The following TRIM41 variants were observed in gnomAD, a reference collection of about 807,000 sequenced individuals.
The protein encoded by TRIM41 is E3 ubiquitin-protein ligase TRIM41.
In TRIM41, 21 loss-of-function variants were observed where a neutral mutation model predicts 60.6. The observed-to-expected ratio is 0.35, with a 90% CI of 0.25 to 0.50. The LOEUF (loss-of-function observed/expected upper bound fraction) is 0.50, where lower values mean the gene tolerates loss of function less well. Ranked by LOEUF, TRIM41 falls within the 20% of genes least tolerant of loss-of-function variation. TRIM41 has a pLI of 0.98. For synonymous variants in TRIM41, 407 were observed against 344.9 expected, an observed-to-expected ratio of 1.18 and a Z score of -2.00; for missense variants, 846 against 868.3, an observed-to-expected ratio of 0.97 and a Z score of 0.32.
At position 181,233,234 on chromosome 5, in the gene TRIM41, T is replaced by G. The variant is rs1758886535; in HGVS notation, c.1141-179T>G. On this transcript the variant is annotated intron_variant, in intron 3 of 5. Transcript: ENST00000315073. This position sits in a 1 kb window ranked among gnomAD's most constrained non-coding sequence, Gnocchi z 4.1. ...ACAGCAGGATGAGGCGAGTTAGGTA[T>G]GGCGAGGCATGGGGTGGTTGAAATG... 1 of 767,446 alleles carries G rather than the reference T, an allele frequency of 1.3e-6. No individual in the cohort carries two copies. The highest frequency in any genetic ancestry group is 1.9e-5 in the Admixed American group (1 of 53,794). 47.5% of individuals were successfully genotyped at this position (767,446 alleles called of 1,614,324 possible). A position where few individuals can be genotyped will look rare whatever the true frequency, so the allele number is the denominator to read the frequency against.
At chr5:181,231,888 A>G (rs1265454774) in intron 2 of TRIM41, 1 of 152,274 alleles carries the variant, frequency 6.6e-6, no homozygotes, top group Non-Finnish European at 1.5e-5. Context: ...AGGAAGGGCC[A>G]TCCCTGGCAA....
chr5:181,230,947 T>C, intron 2 of TRIM41, 108 bp downstream of exon 2: 1 of 968,242 alleles, frequency 1.0e-6, no homozygotes, highest in South Asian at 1.3e-5. Flanking sequence ...AGGGGACAGC[T>C]AAGGCCTGGG....
chr5:181,225,726 C>T (rs1561668011), intron 1 of TRIM41: 2 of 152,330 alleles, frequency 1.3e-5, no homozygotes, highest in Non-Finnish European at 2.9e-5. Context: ...ATGTGACTTT[C>T]TTGGAGTCTG....
Position 181,223,737 on chromosome 5 carries a change from A to C in TRIM41, c.-263A>C, listed in dbSNP as rs971685820. ...GAGGAGTCCAAGGGAGCATTGGGGC[A>C]GACTTGTACTCAGAGCCACCTGAGG... On this transcript the variant is annotated 5_prime_UTR_variant, in exon 1 of 6. Transcript: ENST00000315073. The C allele has an allele frequency of 1.2e-4, 68 of 585,030 alleles. No homozygotes were observed. The highest frequency in any genetic ancestry group is 8.9e-4 in the Middle Eastern group (2 of 2,240). 36.2% of individuals were successfully genotyped at this position (585,030 alleles called of 1,614,324 possible). A position where few individuals can be genotyped will look rare whatever the true frequency, so the allele number is the denominator to read the frequency against.
rs1412877982 is a variant in TRIM41 at position 181,235,399 on chromosome 5, C to G, written c.*624C>G. The stretch of plus-strand genomic sequence containing the variant: ...ACTTGAGAGAGATCTGGAATGGTCG[C>G]CATGATTGAAACCACGCACCATTAC... On this transcript the variant is annotated 3_prime_UTR_variant, in exon 6 of 6. Transcript: ENST00000315073. 6.2e-7 allele frequency: 1 copy of G among 1,614,066 alleles called. No homozygotes were observed. The highest frequency in any genetic ancestry group is 8.5e-7 in the Non-Finnish European group (1 of 1,180,042).
At position 181,234,233 on chromosome 5, in the gene TRIM41, CG is replaced by C. The variant is rs754807680; in HGVS notation, c.1357del (p.Val453SerfsTer38). ...HPALMLSPDR[R>X]GVRLAERRQE... is the part of the protein sequence containing the mutation. ...GGCCCTGATGCTGTCCCCTGACCGCCGGGGGGTCCGCCTGGCAGAGCGGCGG... is the reference window on the plus strand; with the variant it reads ...GGCCCTGATGCTGTCCCCTGACCGCCGGGGGTCCGCCTGGCAGAGCGGCGG... On this transcript the variant is annotated frameshift_variant, in exon 6 of 6. Transcript: ENST00000315073. LOFTEE classifies it high-confidence loss of function. The surrounding 1 kb of genome is among the most constrained non-coding windows in gnomAD (Gnocchi z 5.6). The C allele has an allele frequency of 6.2e-7, 1 of 1,613,350 alleles. No individual in the cohort carries two copies. Among genetic ancestry groups the C allele is most frequent in the African/African-American group, 1.3e-5 (1 of 75,046 alleles).
Position 181,224,061 on chromosome 5 carries a change from C to T in TRIM41, c.62C>T (p.Ala21Val). The T allele has an allele frequency of 1.2e-6, 2 of 1,614,246 alleles. No homozygotes were observed. Among genetic ancestry groups the T allele is most frequent in the Non-Finnish European group, 1.7e-6 (2 of 1,180,048 alleles). ...VQTLQEEAVCAICLDYFTDPV... is the reference protein window; with the variant it reads ...VQTLQEEAVCVICLDYFTDPV... The stretch of plus-strand genomic sequence containing the variant: ...ACCCTTCAGGAGGAGGCGGTGTGCG[C>T]CATCTGCCTCGATTACTTCACGGAC... Residue 21 changes from alanine (A) to valine (V), a missense_variant, in exon 1 of 6, where the codon GCC (alanine) becomes GTC (valine). Transcript: ENST00000315073.
Position 181,223,552 on chromosome 5 carries a change from G to A in TRIM41, c.-448G>A. On this transcript the variant is annotated 5_prime_UTR_variant, in exon 1 of 6. Coordinates refer to ENST00000315073, the MANE Select transcript of TRIM41 (RefSeq NM_033549.5). The stretch of plus-strand genomic sequence containing the variant: ...CTAGTGCGGACTAGAGCGTCTCCTC[G>A]CCATTTCCTGTCGCCCTGGGGCCCC... The A allele has an allele frequency of 2.2e-6, 1 of 445,048 alleles. No individual in the cohort carries two copies. The highest frequency in any genetic ancestry group is 3.8e-5 in the Admixed American group (1 of 26,346). The allele number at this position is 445,048 out of a possible 1,614,324, so 27.6% of individuals were successfully genotyped here. A position where few individuals can be genotyped will look rare whatever the true frequency, so the allele number is the denominator to read the frequency against.
chr5:181,224,794 G>GGA lies in TRIM41; in HGVS notation c.796_797insAG (p.Val266GlufsTer17), dbSNP rs1464075412. On this transcript the variant is annotated frameshift_variant, in exon 1 of 6. Transcript: ENST00000315073. LOFTEE classifies it high-confidence loss of function. ...AGCACAGCGTGGTGCCATTGGAGGA[G>GGA]GTGGTGCAGGAGTACAAGGTGAGAG... 6.2e-7 allele frequency: 1 copy of GGA among 1,614,214 alleles called. No individual in the cohort carries two copies. Among genetic ancestry groups the GGA allele is most frequent in the Non-Finnish European group, 8.5e-7 (1 of 1,180,046 alleles).
At position 181,233,908 on chromosome 5, in the gene TRIM41, G is replaced by T. The variant is rs917261235; in HGVS notation, c.1291+145G>T. On this transcript the variant is annotated intron_variant, in intron 5 of 5. Transcript: ENST00000315073. The surrounding 1 kb of genome is among the most constrained non-coding windows in gnomAD (Gnocchi z 4.1). ...AGCCACTCTGAGGTTGAGGTTTCAAGCCATGAGCAGGTAGACCTAGTGCAG... is the reference window on the plus strand; with the variant it reads ...AGCCACTCTGAGGTTGAGGTTTCAATCCATGAGCAGGTAGACCTAGTGCAG... 6 of 1,380,468 alleles carry T rather than the reference G, an allele frequency of 4.3e-6. No homozygotes were observed. In the African/African-American group the frequency reaches 8.5e-5, roughly 20 times the overall value. 85.5% of individuals were successfully genotyped at this position (1,380,468 alleles called of 1,614,324 possible).
intron 1 of TRIM41, chr5:181,229,170 G>C (rs1758686653): frequency 1.3e-5 from 2 of 152,160 alleles, no homozygotes; most frequent in Non-Finnish European, 2.9e-5. Context: ...AAACTCTTTA[G>C]TTCAGGGGTC....
chr5:181,229,242 ATCT>A (rs1474096555), intron 1 of TRIM41: 1 of 152,224 alleles, frequency 6.6e-6, no homozygotes, highest in Non-Finnish European at 1.5e-5. Flanking sequence ...ACATTTACTG[ATCT>A]TCTGCTACAT....
intron 1 of TRIM41, chr5:181,228,234 CA>C (rs897077580): frequency 5.3e-4 from 72 of 135,250 alleles, no homozygotes; most frequent in South Asian, 7.1e-4. Flanking sequence ...GACTCTGTCT[CA>C]AAAAAAAAAA....
chr5:181,224,548 C>T lies in TRIM41; in HGVS notation c.549C>T (p.Cys183=), dbSNP rs73814539. The T allele has an allele frequency of 5.1e-4, 816 of 1,613,272 alleles. 5 individuals are homozygous for T. In the African/African-American group the frequency reaches 9.5e-3, roughly 19 times the overall value. The change falls in exon 1 of 6, where the codon TGC becomes TGT. Residue 183 remains cysteine (C), a synonymous_variant. Transcript: ENST00000315073. ...CAGCCCCTCGGAGGTGCTTCACATG[C>T]CCTCAGTGCCGAAAGAGCTTTCCTC... ...PPPAPRRCFT[C]PQCRKSFPRR...
intron 1 of TRIM41, 118 bp downstream of exon 1, chr5:181,224,930 C>T (rs1758480744): frequency 7.2e-7 from 1 of 1,398,286 alleles, no homozygotes; most frequent in Non-Finnish European, 9.9e-7. Flanking sequence ...ATTGGTGAGC[C>T]AAGTTTGCTT....
intron 1 of TRIM41, 181 bp from the exon 2 acceptor site, chr5:181,230,563 T>TG: frequency 2.3e-6 from 1 of 426,750 alleles, no homozygotes. Context: ...ACAGAGGGAT[T>TG]GGAGGCTTTT....
chr5:181,234,919 C>G lies in TRIM41; in HGVS notation c.*144C>G. The G allele has an allele frequency of 6.2e-7, 1 of 1,613,608 alleles. No homozygotes were observed. Among genetic ancestry groups the G allele is most frequent in the African/African-American group, 1.3e-5 (1 of 75,014 alleles). ...ACTCCCCCTTGACCCCAGGCCCCTG[C>G]TTCTCCCTCTAGGAGCCTAAAGAAC... is the stretch of plus-strand genomic sequence containing the variant. On this transcript the variant is annotated 3_prime_UTR_variant, in exon 6 of 6. Coordinates refer to ENST00000315073, the MANE Select transcript of TRIM41 (RefSeq NM_033549.5). This position sits in a 1 kb window ranked among gnomAD's most constrained non-coding sequence, Gnocchi z 5.6.
At position 181,235,169 on chromosome 5, in the gene TRIM41, A is replaced by G; in HGVS notation, c.*394A>G. On this transcript the variant is annotated 3_prime_UTR_variant, in exon 6 of 6. Transcript: ENST00000315073. ...ACCTCTTTATCAGTTCTGAGGCTGG[A>G]GGGTTTGGGCAAGGCAACATCCCCA... The G allele has an allele frequency of 6.5e-7, 1 of 1,535,960 alleles. No individual in the cohort carries two copies. Among genetic ancestry groups the G allele is most frequent in the South Asian group, 1.2e-5 (1 of 80,984 alleles).
chr5:181,223,864 T>G lies in TRIM41; in HGVS notation c.-136T>G, dbSNP rs1486282799. 5 of 847,306 alleles carry G rather than the reference T, an allele frequency of 5.9e-6. No homozygotes were observed. The East Asian group carries it at 1.1e-4, about 18-fold the overall frequency. The allele number at this position is 847,306 out of a possible 1,614,324, so 52.5% of individuals were successfully genotyped here. On this transcript the variant is annotated 5_prime_UTR_variant, in exon 1 of 6. Coordinates refer to ENST00000315073, the MANE Select transcript of TRIM41 (RefSeq NM_033549.5). ...GTTGGGGTGGGTTGTCGGCAGGACA[T>G]CTCTCTGGCTGCTCTTGGGGCGAGG...
Sources: gnomAD v4.1 joint callset for allele counts on GRCh38, gnomAD v4.1.1 for gene constraint, Gnocchi (gnomAD v3.1) non-coding constraint, MANE v1.5 for transcripts, NCBI Gene and HGNC (gene_info 2026-07-23, HGNC 2026-07-21) for gene names.